Variants in CARF observed in about 807,000 individuals in gnomAD.
The protein encoded by CARF is calcium responsive transcription factor.
A neutral mutation model predicts 82.0 loss-of-function variants in CARF; 57 were observed. The observed-to-expected ratio is 0.70, with a 90% CI of 0.56 to 0.87. The LOEUF (loss-of-function observed/expected upper bound fraction) is 0.87, where lower values mean the gene tolerates loss of function less well. Ranked by LOEUF, CARF falls within the 40% of genes least tolerant of loss-of-function variation. The pLI, the probability that CARF is intolerant of heterozygous loss-of-function variation, is 0.00. For synonymous variants in CARF, 268 were observed against 290.1 expected, an observed-to-expected ratio of 0.92 and a Z score of 0.77; for missense variants, 771 against 855.8, an observed-to-expected ratio of 0.90 and a Z score of 1.24.
rs2060369378 is a variant in CARF at position 202,984,357 on chromosome 2, G to T, written c.*733G>T. The T allele has an allele frequency of 6.6e-6, 1 of 152,296 alleles. No homozygotes were observed. The highest frequency in any genetic ancestry group is 3.4e-3 in the Middle Eastern group (1 of 294). The allele number at this position is 152,296 out of a possible 1,614,324, so 9.4% of individuals were successfully genotyped here. A position where few individuals can be genotyped will look rare whatever the true frequency, so the allele number is the denominator to read the frequency against. ...AGATAAGCAACAGAAATCAACATATGTAGCATGGATTTGTGCTATATTGGA... is the reference window on the plus strand; with the variant it reads ...AGATAAGCAACAGAAATCAACATATTTAGCATGGATTTGTGCTATATTGGA... On this transcript the variant is annotated 3_prime_UTR_variant, in exon 17 of 17. Coordinates refer to ENST00000438828, the MANE Select transcript of CARF (RefSeq NM_024744.17).
chr2:202,947,229 A>C (rs1469407529), intron 5 of CARF, among the ~76,000 whole-genome samples: 1 of 152,218 alleles, frequency 6.6e-6, no homozygotes, highest in Non-Finnish European at 1.5e-5. Flanking sequence ...ACTACCCCAA[A>C]TGCCCATCAA....
At chr2:202,929,837 C>T (rs993126694) in intron 3 of CARF, among the ~76,000 whole-genome samples, 1 of 152,128 alleles carries the variant, frequency 6.6e-6, no homozygotes, top group African/African-American at 2.4e-5. Flanking sequence ...AAGCAATCCT[C>T]CTGCCTCAGC....
At chr2:202,935,566 G>C (rs918059487) in intron 3 of CARF, among the ~76,000 whole-genome samples, 2 of 151,532 alleles carry the variant, frequency 1.3e-5, no homozygotes, top group African/African-American at 4.8e-5. Context: ...TGGGACTGCA[G>C]GCACACACCA....
At chr2:202,970,740 GA>G (rs2059756010) in intron 11 of CARF, among the ~76,000 whole-genome samples, 1 of 152,094 alleles carries the variant, frequency 6.6e-6, no homozygotes. Flanking sequence ...CCTGCAGTTT[GA>G]AGAGCATTGC....
intron 11 of CARF, 58 bp from the exon 12 acceptor site, chr2:202,971,447 A>T: frequency 9.7e-7 from 1 of 1,028,262 alleles, no homozygotes; most frequent in Non-Finnish European, 1.4e-6. Context: ...TTGGTCTAAT[A>T]ATATTAAATA....
intron 11 of CARF, among the ~76,000 whole-genome samples, chr2:202,970,652 T>C (rs1026443923): frequency 2.0e-5 from 3 of 152,168 alleles, no homozygotes; most frequent in African/African-American, 4.8e-5. Flanking sequence ...AAAAAAACTT[T>C]TAGGTATGTG....
In CARF at chr2:202,941,866, A is replaced by G. The variant is rs756963927; in HGVS notation, c.-37A>G. Reference sequence around the variant, plus strand: ...GCTATTTAAACTCTTTCAGCTATTAAATAATAGAAGAAAATGGAATTGAAT... The same window carrying G: ...GCTATTTAAACTCTTTCAGCTATTAGATAATAGAAGAAAATGGAATTGAAT... On this transcript the variant is annotated 5_prime_UTR_variant, in exon 4 of 17. Transcript: ENST00000438828. 3 of 1,523,502 alleles carry G rather than the reference A, an allele frequency of 2.0e-6. No individual in the cohort carries two copies. The highest frequency in any genetic ancestry group is 1.7e-5 in the Admixed American group (1 of 59,140). 94.4% of individuals were successfully genotyped at this position (1,523,502 alleles called of 1,614,324 possible).
chr2:202,914,537 G>A (rs530363579), intron 1 of CARF, among the ~76,000 whole-genome samples: 2 of 152,064 alleles, frequency 1.3e-5, no homozygotes, highest in Non-Finnish European at 2.9e-5. Context: ...CCAGCATTTT[G>A]GGTGGCTGAG....
At chr2:202,974,249 A>C (rs2059933033) in intron 12 of CARF, 85 bp from the exon 13 acceptor site, 3 of 959,588 alleles carry the variant, frequency 3.1e-6, no homozygotes, top group Non-Finnish European at 4.5e-6. Flanking sequence ...AGAAGTTTAT[A>C]CTGAAAGAGA....
intron 3 of CARF, chr2:202,938,213 G>A (rs536137200): frequency 2.6e-5 from 4 of 151,912 alleles, no homozygotes; most frequent in African/African-American, 7.2e-5. Flanking sequence ...TTTCATATAC[G>A]AGACATTGAT....
chr2:202,938,991 T>A (rs948886807), intron 3 of CARF, among the ~76,000 whole-genome samples: 4 of 152,194 alleles, frequency 2.6e-5, no homozygotes, highest in African/African-American at 9.6e-5. Context: ...GTCTGTCTTA[T>A]CTCTCTTTCT....
intron 3 of CARF, among the ~76,000 whole-genome samples, chr2:202,927,436 G>A (rs1376441843): frequency 6.6e-6 from 1 of 151,976 alleles, no homozygotes; most frequent in Non-Finnish European, 1.5e-5. Context: ...GTTAGAGCAG[G>A]CTAATTAACA....
intron 1 of CARF, among the ~76,000 whole-genome samples, chr2:202,913,615 T>C (rs1030707816): frequency 4.6e-5 from 7 of 152,228 alleles, no homozygotes; most frequent in Admixed American, 2.0e-4. Context: ...GGTGATCGTT[T>C]AACCATGTGG....
intron 13 of CARF, 77 bp from the exon 14 acceptor site, chr2:202,977,192 G>A (rs183386089): frequency 3.2e-5 from 33 of 1,035,714 alleles, no homozygotes; most frequent in Non-Finnish European, 2.1e-5. Flanking sequence ...AATAAAATAT[G>A]ACAGTCGTAA....
rs540467474 is a variant in CARF, at chr2:202,940,205, T to A, written c.-43-1655T>A. Among the ~76,000 whole-genome samples, 17 of 152,186 alleles carry A rather than the reference T, an allele frequency of 1.1e-4. No homozygotes were observed. The South Asian group carries it at 2.1e-3, about 19-fold the overall frequency. On this transcript the variant is annotated intron_variant, in intron 3 of 16. Coordinates refer to ENST00000438828, the MANE Select transcript of CARF (RefSeq NM_024744.17). Reference sequence around the variant, plus strand: ...TGCATCACTGTGCCCAGCTAATTTTTGTATTTTTAGTAGAGACAGGGTTTC... The same window carrying A: ...TGCATCACTGTGCCCAGCTAATTTTAGTATTTTTAGTAGAGACAGGGTTTC...
At position 202,974,624 on chromosome 2, in the gene CARF, C is replaced by T. The variant is rs553457802; in HGVS notation, c.1494+128C>T. On this transcript the variant is annotated intron_variant, in intron 13 of 16. Coordinates refer to ENST00000438828, the MANE Select transcript of CARF (RefSeq NM_024744.17). ...ATATAAGCAAATACAATAGGCCGGG[C>T]GTGGTGGCTCATGCCTGTAATCCCA... 570 of 840,184 alleles carry T rather than the reference C, an allele frequency of 6.8e-4. 8 individuals carry two copies. The highest frequency in any genetic ancestry group is 1.4e-3 in the South Asian group (73 of 51,826). 52.0% of individuals were successfully genotyped at this position (840,184 alleles called of 1,614,324 possible).
Position 202,946,886 on chromosome 2 carries a change from C to G in CARF, c.306+3919C>G, listed in dbSNP as rs1381191940. ...GCCAACAAACATAAAAGTTCATCAT[C>G]ATCGGTCATTAGAGGAACGCAAATC... On this transcript the variant is annotated intron_variant, in intron 5 of 16. Transcript: ENST00000438828. Among the ~76,000 whole-genome samples the G allele has an allele frequency of 3.3e-5, 5 of 151,984 alleles. No individual in the cohort carries two copies. In the South Asian group the frequency reaches 1.0e-3, roughly 32 times the overall value.
intron 9 of CARF, among the ~76,000 whole-genome samples, chr2:202,966,609 C>G (rs1324207936): frequency 6.6e-6 from 1 of 151,974 alleles, no homozygotes; most frequent in Non-Finnish European, 1.5e-5. Flanking sequence ...ACTTGGGAGG[C>G]TGAGGCAGGA....
chr2:202,970,004 C>G lies in CARF; in HGVS notation c.1039C>G (p.Gln347Glu). ...TGACAAGAAAATTATCAGAATGGAG[C>G]AGGAGAAAGCTTTTAACATGCTAAA... The part of the protein sequence containing the change: ...KIDKKIIRME[Q>E]EKAFNMLKKN... The change falls in exon 11 of 17, where the codon CAG (glutamine) becomes GAG (glutamate). Residue 347 changes from glutamine to glutamate, a missense_variant. Coordinates refer to ENST00000438828, the MANE Select transcript of CARF (RefSeq NM_024744.17). 1 of 1,579,584 alleles carries G rather than the reference C, an allele frequency of 6.3e-7. No individual in the cohort carries two copies. The highest frequency in any genetic ancestry group is 8.5e-7 in the Non-Finnish European group (1 of 1,170,068).
Sources: gnomAD v4.1 joint callset for allele counts (sites outside exome capture counted in the v4.1 genomes callset) on GRCh38, gnomAD v4.1.1 for gene constraint, MANE v1.5 for transcripts, NCBI Gene and HGNC (gene_info 2026-07-23, HGNC 2026-07-21) for gene names.